Variants in FOCAD observed in about 807,000 individuals in gnomAD.
FOCAD encodes focadhesin, also known as KIAA1797.
In FOCAD, 198 loss-of-function variants were observed where a neutral mutation model predicts 225.6. The ratio of observed to expected loss-of-function variants is 0.88; its 90% CI spans 0.78 to 0.99. The LOEUF (loss-of-function observed/expected upper bound fraction) is 0.99. Ranked by LOEUF, FOCAD falls within the 50% of genes least tolerant of loss-of-function variation. The pLI is 0.00. For synonymous variants in FOCAD, 897 were observed against 755.0 expected, an observed-to-expected ratio of 1.19 and a Z score of -3.08; for missense variants, 2,713 against 2,123.6, an observed-to-expected ratio of 1.28 and a Z score of -5.46.
At chr9:20,727,443 C>T (rs1167816619) in intron 4 of FOCAD, among the ~76,000 whole-genome samples, 1 of 152,078 alleles carries the variant, frequency 6.6e-6, no homozygotes, top group Non-Finnish European at 1.5e-5. Context: ...AGAAATCAGG[C>T]CATTTTTGGT....
At chr9:20,726,852 T>G (rs1826238199) in intron 4 of FOCAD, among the ~76,000 whole-genome samples, 1 of 152,188 alleles carries the variant, frequency 6.6e-6, no homozygotes, top group Admixed American at 6.5e-5. Flanking sequence ...CTTGTTACAT[T>G]ATTGAAGCTT....
chr9:20,781,893 G>A lies in FOCAD; in HGVS notation c.1161G>A (p.Met387Ile). Residue 387 changes from methionine to isoleucine, a missense_variant, in exon 10 of 44, where the codon ATG becomes ATA. Coordinates refer to ENST00000338382, the MANE Select transcript of FOCAD (RefSeq NM_001375567.1). ...RQQLALNLLE[M>I]IQQECYRDDH... ...AGTTGGCTCTAAACCTTTTGGAAAT[G>A]ATACAGCAGGAATGTTACAGAGATG... 6.2e-7 allele frequency: 1 copy of A among 1,613,996 alleles called. No homozygotes were observed.
chr9:20,864,183 T>C (rs1829032917), intron 16 of FOCAD, among the ~76,000 whole-genome samples: 1 of 152,072 alleles, frequency 6.6e-6, no homozygotes, highest in African/African-American at 2.4e-5. Context: ...GTTTTTTAAC[T>C]ACTTAGAATT....
chr9:20,661,933 T>G (rs1356237756), intron 2 of FOCAD, among the ~76,000 whole-genome samples: 4 of 152,162 alleles, frequency 2.6e-5, no homozygotes, highest in African/African-American at 9.7e-5. Context: ...GAGGAAATTC[T>G]TTATATATTG....
chr9:20,801,170 G>C (rs989281040), intron 11 of FOCAD, among the ~76,000 whole-genome samples: 2 of 152,080 alleles, frequency 1.3e-5, no homozygotes, highest in Non-Finnish European at 2.9e-5. Context: ...GCGAATATTG[G>C]TGAACAGTTA....
At chr9:20,724,444 G>A (rs929464682) in intron 4 of FOCAD, among the ~76,000 whole-genome samples, 7 of 152,108 alleles carry the variant, frequency 4.6e-5, no homozygotes, top group African/African-American at 1.4e-4. Context: ...AACAGTGGAA[G>A]GATGCTGGAC....
chr9:20,749,936 T>C (rs868141074), intron 5 of FOCAD, among the ~76,000 whole-genome samples: 1 of 152,190 alleles, frequency 6.6e-6, no homozygotes, highest in Non-Finnish European at 1.5e-5. Context: ...ATTGCCTCTG[T>C]GCTAGTCTGG....
chr9:20,877,909 A>C (rs13291362), intron 19 of FOCAD, among the ~76,000 whole-genome samples: 37,479 of 147,764 alleles, frequency 0.25, 4,849 homozygotes, highest in South Asian at 0.34. Flanking sequence ...CCATCTCAAA[A>C]AAACAAACAA....
intron 1 of FOCAD, chr9:20,694,706 A>G (rs1324121339): frequency 2.0e-5 from 3 of 152,246 alleles, no homozygotes; most frequent in African/African-American, 7.2e-5. Context: ...AATTTCAACA[A>G]CATCAACATT....
chr9:20,823,986 C>T (rs1355162243), intron 15 of FOCAD, among the ~76,000 whole-genome samples: 1 of 152,000 alleles, frequency 6.6e-6, no homozygotes, highest in African/African-American at 2.4e-5. Flanking sequence ...GATATTTACG[C>T]CGGATCTTGG....
chr9:20,683,453 GTC>G (rs1258309575), upstream of FOCAD: 1 of 151,976 alleles, frequency 6.6e-6, no homozygotes, highest in Non-Finnish European at 1.5e-5. Context: ...CGTCATACCA[GTC>G]TCTCCTCGTT....
chr9:20,829,791 A>G (rs1825302403), intron 15 of FOCAD, among the ~76,000 whole-genome samples: 1 of 152,082 alleles, frequency 6.6e-6, no homozygotes, highest in African/African-American at 2.4e-5. Flanking sequence ...CTTTGTTTTT[A>G]TATGAAATTA....
intron 5 of FOCAD, among the ~76,000 whole-genome samples, chr9:20,749,799 C>G (rs775493300): frequency 3.9e-5 from 6 of 152,082 alleles, no homozygotes; most frequent in Non-Finnish European, 5.9e-5. Context: ...GTTGAGGTGA[C>G]CTAAAGGTTA....
At chr9:20,818,329 CT>C (rs1395523488) in intron 11 of FOCAD, among the ~76,000 whole-genome samples, 2 of 151,846 alleles carry the variant, frequency 1.3e-5, no homozygotes, top group African/African-American at 4.8e-5. Flanking sequence ...GTACATTGTC[CT>C]TTCACTTTCT....
intron 20 of FOCAD, among the ~76,000 whole-genome samples, chr9:20,882,645 C>A (rs745321648): frequency 2.0e-5 from 3 of 152,210 alleles, no homozygotes; most frequent in Non-Finnish European, 2.9e-5. Context: ...CAGCTGGAAT[C>A]TGAGCATTCA....
At chr9:20,925,034 A>G (rs960932940) in intron 25 of FOCAD, among the ~76,000 whole-genome samples, 3 of 152,194 alleles carry the variant, frequency 2.0e-5, no homozygotes, top group African/African-American at 7.2e-5. Context: ...TAAACAGAGA[A>G]TAGGTGCTGT....
At chr9:20,826,748 C>A (rs1473780150) in intron 15 of FOCAD, among the ~76,000 whole-genome samples, 1 of 152,086 alleles carries the variant, frequency 6.6e-6, no homozygotes, top group East Asian at 1.9e-4. Context: ...CAAAAGTAGT[C>A]TCAAGACTCT....
chr9:20,815,123 G>GTTT lies in FOCAD; in HGVS notation c.1456-4662_1456-4660dup, dbSNP rs71334554. On this transcript the variant is annotated intron_variant, in intron 11 of 43. Coordinates refer to ENST00000338382, the MANE Select transcript of FOCAD (RefSeq NM_001375567.1). ...TCTGGAAATATCATTACTTCTCTTTGTTTTTTTTTTTTTGTTTTTTTTTTT... is the reference window on the plus strand; with the variant it reads ...TCTGGAAATATCATTACTTCTCTTTGTTTTTTTTTTTTTTTTGTTTTTTTTTTT... Among the ~76,000 whole-genome samples the GTTT allele has an allele frequency of 7.0e-5, 6 of 85,394 alleles. 1 individual carries two copies. The highest frequency in any genetic ancestry group is 3.0e-4 in the East Asian group (1 of 3,374). The allele number at this position is 85,394 out of a possible 152,430, so 56.0% of individuals were successfully genotyped here.
At chr9:20,741,288 A>G (rs1341486498) in intron 5 of FOCAD, among the ~76,000 whole-genome samples, 1 of 152,120 alleles carries the variant, frequency 6.6e-6, no homozygotes. Context: ...CAAAATACAG[A>G]GGGGTGTCTA....
Sources: allele counts gnomAD v4.1 joint callset (sites outside exome capture counted in the v4.1 genomes callset), GRCh38; gene constraint gnomAD v4.1.1; transcripts MANE v1.5; gene names NCBI Gene and HGNC (gene_info 2026-07-23, HGNC 2026-07-21).